The following FGGY variants were observed in gnomAD, a reference collection of about 807,000 sequenced individuals.
The protein encoded by FGGY is FGGY carbohydrate kinase domain containing, also known as FGGY carbohydrate kinase domain-containing protein.
A neutral mutation model predicts 71.3 loss-of-function variants in FGGY; 72 were observed. That is an observed-to-expected ratio of 1.01 (90% CI 0.84 to 1.23). FGGY has a LOEUF of 1.23. Among genes scored for constraint, FGGY ranks in the 50% most tolerant of loss-of-function variants. The pLI, the probability that FGGY is intolerant of heterozygous loss-of-function variation, is 0.00. For missense variants in FGGY, 668 were observed against 682.3 expected (o/e 0.98, Z 0.23); for synonymous variants, 251 against 250.3 (o/e 1.00, Z -0.02).
intron 8 of FGGY, among the ~76,000 whole-genome samples, chr1:59,597,913 C>T (rs189008451): frequency 6.6e-6 from 1 of 152,280 alleles, no homozygotes; most frequent in East Asian, 1.9e-4. Flanking sequence ...GAGGATTTGA[C>T]AGAAATAGAA....
intron 9 of FGGY, among the ~76,000 whole-genome samples, chr1:59,608,556 T>C (rs1027619894): frequency 3.3e-5 from 5 of 152,168 alleles, no homozygotes; most frequent in Non-Finnish European, 7.4e-5. Context: ...GGCCATGCGG[T>C]ACACAGTGGC....
intron 6 of FGGY, among the ~76,000 whole-genome samples, chr1:59,478,945 A>C (rs577890291): frequency 6.6e-6 from 1 of 152,338 alleles, no homozygotes; most frequent in South Asian, 2.1e-4. Context: ...TGTTCATTTG[A>C]TATAGTGACT....
chr1:59,487,120 A>T (rs1433476419), intron 6 of FGGY, among the ~76,000 whole-genome samples: 2 of 152,186 alleles, frequency 1.3e-5, no homozygotes. Context: ...CAGATGTAGC[A>T]AAAGGAGATA....
At chr1:59,644,617 G>GCCCCCCCCCC (rs796675574) in intron 11 of FGGY, among the ~76,000 whole-genome samples, 1 of 149,738 alleles carries the variant, frequency 6.7e-6, no homozygotes, top group African/African-American at 2.5e-5. Context: ...AGACAGACAC[G>GCCCCCCCCCC]CCCCCCCCCA....
intron 8 of FGGY, among the ~76,000 whole-genome samples, chr1:59,559,529 G>A (rs377258209): frequency 1.6e-4 from 24 of 152,238 alleles, no homozygotes; most frequent in African/African-American, 4.8e-4. Context: ...TAGCTGAGAT[G>A]GTCTAGAAAT....
chr1:59,618,312 G>A (rs2096776610), intron 9 of FGGY, among the ~76,000 whole-genome samples: 1 of 152,136 alleles, frequency 6.6e-6, no homozygotes, highest in Admixed American at 6.6e-5. Context: ...TTCACAGCAT[G>A]TGTATGTGGT....
chr1:59,624,855 G>C (rs1454812608), intron 9 of FGGY, among the ~76,000 whole-genome samples: 1 of 152,112 alleles, frequency 6.6e-6, no homozygotes, highest in Non-Finnish European at 1.5e-5. Context: ...TGAGATTTTG[G>C]TGGGGACACA....
At chr1:59,409,658 C>T (rs2063321263) in intron 5 of FGGY, among the ~76,000 whole-genome samples, 1 of 150,492 alleles carries the variant, frequency 6.6e-6, no homozygotes, top group African/African-American at 2.5e-5. Flanking sequence ...TGGGAGGTTA[C>T]AGAAACTTAA....
At chr1:59,724,483 CAAA>C (rs1247971467) in intron 14 of FGGY, among the ~76,000 whole-genome samples, 1 of 134,776 alleles carries the variant, frequency 7.4e-6, no homozygotes. Context: ...GACTCCATCT[CAAA>C]AAAAAAAAAA....
intron 1 of FGGY, among the ~76,000 whole-genome samples, chr1:59,306,251 G>A (rs944134819): frequency 1.3e-5 from 2 of 152,166 alleles, no homozygotes; most frequent in East Asian, 1.9e-4. Flanking sequence ...ACTATCTAAA[G>A]ATGTGAGGAG....
At chr1:59,364,274 A>G (rs1456292668) in intron 4 of FGGY, among the ~76,000 whole-genome samples, 1 of 152,108 alleles carries the variant, frequency 6.6e-6, no homozygotes, top group Non-Finnish European at 1.5e-5. Context: ...GAATGAATCC[A>G]TTTTCCAATT....
chr1:59,653,458 C>T (rs943805551), intron 11 of FGGY, among the ~76,000 whole-genome samples: 5 of 152,110 alleles, frequency 3.3e-5, no homozygotes, highest in South Asian at 2.1e-4. Context: ...TCTCGTGGTT[C>T]GCCGTTTTTT....
chr1:59,572,649 A>G (rs1395818756), intron 8 of FGGY, among the ~76,000 whole-genome samples: 2 of 152,268 alleles, frequency 1.3e-5, no homozygotes, highest in South Asian at 2.1e-4. Context: ...CTTGTCTCAG[A>G]TTATGGTGGG....
At chr1:59,536,828 A>G (rs1033043428) in intron 7 of FGGY, among the ~76,000 whole-genome samples, 5 of 152,194 alleles carry the variant, frequency 3.3e-5, no homozygotes, top group Non-Finnish European at 4.4e-5. Context: ...AATAAATTAG[A>G]TATTGATGGG....
rs1405506325 is a variant in FGGY, at chr1:59,584,415, A to G, written c.904-23388A>G. Among the ~76,000 whole-genome samples the G allele has an allele frequency of 7.8e-4, 117 of 150,040 alleles. 6 individuals are homozygous for G. Among genetic ancestry groups the G allele is most frequent in the Admixed American group, 7.6e-3 (116 of 15,168 alleles). On this transcript the variant is annotated intron_variant, in intron 8 of 15. Transcript: ENST00000303721. ...AGCATATAAACAGAACAAACAACAA[A>G]AACCATATGATTATCTCAATAGATG...
At chr1:59,384,751 G>A (rs911129311) in intron 5 of FGGY, among the ~76,000 whole-genome samples, 2 of 152,070 alleles carry the variant, frequency 1.3e-5, no homozygotes, top group Non-Finnish European at 2.9e-5. Flanking sequence ...CCCTCTCAGG[G>A]CTATTAAAAC....
intron 1 of FGGY, among the ~76,000 whole-genome samples, chr1:59,310,477 G>T (rs528814759): frequency 1.3e-4 from 20 of 152,276 alleles, no homozygotes; most frequent in Middle Eastern, 3.4e-3. Flanking sequence ...CCCATTATGG[G>T]CCTAGTTTTG....
chr1:59,372,341 C>T (rs975098391), intron 4 of FGGY, among the ~76,000 whole-genome samples: 3 of 152,212 alleles, frequency 2.0e-5, no homozygotes, highest in Admixed American at 1.3e-4. Context: ...CACATACACT[C>T]TCCCAAGACT....
intron 1 of FGGY, among the ~76,000 whole-genome samples, chr1:59,301,822 T>C (rs2042791037): frequency 6.8e-6 from 1 of 147,812 alleles, no homozygotes. Context: ...CAAGCGATTC[T>C]CCTGCCTCAG....
Sources: allele counts gnomAD v4.1 joint callset (sites outside exome capture counted in the v4.1 genomes callset), GRCh38; gene constraint gnomAD v4.1.1; transcripts MANE v1.5; gene names NCBI Gene and HGNC (gene_info 2026-07-23, HGNC 2026-07-21).